EPS15: variants seen among roughly 807,000 people sequenced by gnomAD.
EPS15 encodes the protein epidermal growth factor receptor substrate 15.
EPS15 carries 72 observed loss-of-function variants against 113.8 expected under a neutral mutation model. The observed-to-expected ratio is 0.63, with a 90% CI of 0.52 to 0.77. The LOEUF (loss-of-function observed/expected upper bound fraction) is 0.77, where lower values mean the gene tolerates loss of function less well. EPS15 is among the 30% of genes least tolerant of loss of function. The pLI, the probability that EPS15 is intolerant of heterozygous loss-of-function variation, is 0.00. For synonymous variants in EPS15, 344 were observed against 363.4 expected, an observed-to-expected ratio of 0.95 and a Z score of 0.61; for missense variants, 1,048 against 1,045.8, an observed-to-expected ratio of 1.00 and a Z score of -0.03.
At chr1:51,411,731 A>G (rs1649743201) in intron 13 of EPS15, among the ~76,000 whole-genome samples, 2 of 152,174 alleles carry the variant, frequency 1.3e-5, no homozygotes. Flanking sequence ...GGATGTGGAG[A>G]AACAGGAACG....
chr1:51,470,084 T>C (rs2148509863), intron 4 of EPS15, among the ~76,000 whole-genome samples: 1 of 152,336 alleles, frequency 6.6e-6, no homozygotes, highest in African/African-American at 2.4e-5. Context: ...TGAGATTCAA[T>C]TACTCTTAGG....
At chr1:51,405,181 C>G (rs1039512297) in intron 16 of EPS15, among the ~76,000 whole-genome samples, 3 of 152,182 alleles carry the variant, frequency 2.0e-5, no homozygotes, top group Non-Finnish European at 2.9e-5. Flanking sequence ...TGTTACACTA[C>G]TACACTGTAG....
intron 12 of EPS15, among the ~76,000 whole-genome samples, chr1:51,426,852 TAC>T (rs757848514): frequency 0.11 from 16,081 of 144,002 alleles, 1,115 homozygotes; most frequent in African/African-American, 0.21. Flanking sequence ...TATATATATA[TAC>T]ACACACACAT....
chr1:51,497,271 T>C (rs1325824514), intron 1 of EPS15, among the ~76,000 whole-genome samples: 1 of 152,120 alleles, frequency 6.6e-6, no homozygotes, highest in Non-Finnish European at 1.5e-5. Context: ...ACCAGTCAGC[T>C]AGCAAATTTC....
chr1:51,451,902 C>CTTTTTTTTTTT (rs945312930), intron 8 of EPS15, among the ~76,000 whole-genome samples: 3 of 150,842 alleles, frequency 2.0e-5, no homozygotes, highest in Non-Finnish European at 3.0e-5. Flanking sequence ...ATTTTTATTT[C>CTTTTTTTTTTT]TTTTTTTTTG....
chr1:51,507,743 A>T (rs1034897955), intron 1 of EPS15, among the ~76,000 whole-genome samples: 1 of 152,132 alleles, frequency 6.6e-6, no homozygotes, highest in African/African-American at 2.4e-5. Flanking sequence ...TGTATGAAAG[A>T]GAGATAATAA....
At chr1:51,508,881 C>G (rs1280767487) in intron 1 of EPS15, among the ~76,000 whole-genome samples, 2 of 152,126 alleles carry the variant, frequency 1.3e-5, no homozygotes, top group East Asian at 3.8e-4. Flanking sequence ...ATCAAATGTT[C>G]CTATAGATTT....
rs1649499836 is a variant in EPS15, at chr1:51,409,584, T to G, written c.1226A>C (p.Glu409Ala). ...DELDEQKAQL[E>A]EQLKEVRKKC... ...CTTTCTGACTTCCTTGAGTTGCTCC[T>G]CCAGCTGGGCTTTCTGCTCATCCAG... The change falls in exon 14 of 25, where the codon GAG becomes GCG. Residue 409 changes from glutamate to alanine, a missense_variant. Transcript: ENST00000371733. 1 of 1,613,876 alleles carries G rather than the reference T, an allele frequency of 6.2e-7. No homozygotes were observed. Among genetic ancestry groups the G allele is most frequent in the South Asian group, 1.1e-5 (1 of 91,080 alleles).
intron 1 of EPS15, among the ~76,000 whole-genome samples, chr1:51,504,182 G>A (rs1644459140): frequency 6.6e-6 from 1 of 152,156 alleles, no homozygotes; most frequent in Non-Finnish European, 1.5e-5. Context: ...GGAGGCGAAA[G>A]CGAGCATGTT....
rs1653217903 is a variant in EPS15 at position 51,448,106 on chromosome 1, C to G, written c.591G>C (p.Glu197Asp). 6.2e-7 allele frequency: 1 copy of G among 1,613,452 alleles called. No individual in the cohort carries two copies. Among genetic ancestry groups the G allele is most frequent in the African/African-American group, 1.3e-5 (1 of 74,874 alleles). ...GCAAGGACATTGGCACAGGTTCTTTCTCCAGTGCACAGTATACCAAAAACA... is the reference window on the plus strand; with the variant it reads ...GCAAGGACATTGGCACAGGTTCTTTGTCCAGTGCACAGTATACCAAAAACA... ...VAMFLVYCAL[E>D]KEPVPMSLPP... Residue 197 changes from glutamate to aspartate, a missense_variant, in exon 9 of 25, where the codon GAG (glutamate) becomes GAC (aspartate). Glu to Asp is a conservative substitution (Grantham distance 45, BLOSUM62 2). Transcript: ENST00000371733.
At chr1:51,376,644 A>G (rs1253196351) in intron 21 of EPS15, among the ~76,000 whole-genome samples, 1 of 152,172 alleles carries the variant, frequency 6.6e-6, no homozygotes, top group Non-Finnish European at 1.5e-5. Context: ...AGCCTGGGCA[A>G]CAGAGGGAGA....
intron 12 of EPS15, among the ~76,000 whole-genome samples, chr1:51,430,979 C>T (rs1570288483): frequency 7.8e-5 from 1 of 12,766 alleles, no homozygotes; most frequent in African/African-American, 2.9e-4. Flanking sequence ...TACTTACATA[C>T]ACACACACAC....
At position 51,447,028 on chromosome 1, in the gene EPS15, C is replaced by A. The variant is rs990351381; in HGVS notation, c.729G>T (p.Val243=). The A allele has an allele frequency of 6.2e-7, 1 of 1,613,712 alleles. No individual in the cohort carries two copies. Among genetic ancestry groups the A allele is most frequent in the South Asian group, 1.1e-5 (1 of 91,072 alleles). The stretch of plus-strand genomic sequence containing the variant: ...ATATTTCACGGACCTCCAATCCAGA[C>A]ACAAATCCGTCCATATCTTTATCAG... ...LKTDKDMDGF[V]SGLEVREIFL... The change falls in exon 10 of 25, where the codon GTG becomes GTT. Residue 243 remains valine, a synonymous_variant. Coordinates refer to ENST00000371733, the MANE Select transcript of EPS15 (RefSeq NM_001981.3).
chr1:51,420,423 A>G (rs968117529), intron 13 of EPS15, among the ~76,000 whole-genome samples: 2 of 152,182 alleles, frequency 1.3e-5, no homozygotes, highest in African/African-American at 4.8e-5. Flanking sequence ...TGTACTTTAA[A>G]GCAGTAACTG....
chr1:51,425,744 G>T (rs868012069), intron 12 of EPS15, among the ~76,000 whole-genome samples: 1 of 152,094 alleles, frequency 6.6e-6, no homozygotes, highest in African/African-American at 2.4e-5. Context: ...CAGAACCCTA[G>T]TCTTATTTTT....
chr1:51,399,596 C>T (rs1453648697), intron 19 of EPS15, among the ~76,000 whole-genome samples: 1 of 152,050 alleles, frequency 6.6e-6, no homozygotes, highest in Non-Finnish European at 1.5e-5. Context: ...CAGTGGCTCA[C>T]ACCTGTAATT....
intron 8 of EPS15, among the ~76,000 whole-genome samples, chr1:51,459,576 A>G (rs2148497497): frequency 6.6e-6 from 1 of 152,230 alleles, no homozygotes; most frequent in South Asian, 2.1e-4. Context: ...AAACAGAAAT[A>G]CTGCCATATC....
chr1:51,449,490 T>C (rs959926413), intron 8 of EPS15, among the ~76,000 whole-genome samples: 2 of 151,994 alleles, frequency 1.3e-5, no homozygotes, highest in Non-Finnish European at 2.9e-5. Context: ...ATTAAATGAA[T>C]GACAAAATAA....
intron 12 of EPS15, among the ~76,000 whole-genome samples, chr1:51,437,492 AT>A (rs765352350): frequency 0.035 from 4,790 of 136,816 alleles, 84 homozygotes; most frequent in East Asian, 0.13. Flanking sequence ...AAAAAAAAAA[AT>A]TTTTTTTTTT....
Sources: gnomAD v4.1 joint callset for allele counts (sites outside exome capture counted in the v4.1 genomes callset) on GRCh38, gnomAD v4.1.1 for gene constraint, MANE v1.5 for transcripts, NCBI Gene and HGNC (gene_info 2026-07-23, HGNC 2026-07-21) for gene names.